The following SMS variants were observed in gnomAD, a reference collection of about 807,000 sequenced individuals.
SMS encodes the protein spermine synthase, also known as spermidine aminopropyltransferase.
In SMS, 3 loss-of-function variants were observed where a neutral mutation model predicts 33.0. The observed-to-expected ratio is 0.09, with a 90% CI of 0.04 to 0.23. The LOEUF (loss-of-function observed/expected upper bound fraction) is 0.23. Ranked by LOEUF, SMS falls within the 10% of genes least tolerant of loss-of-function variation. SMS has a pLI of 1.00. For synonymous variants in SMS, 103 were observed against 112.2 expected (o/e 0.92, Z 0.52); for missense variants, 117 against 288.6 (o/e 0.41, Z 4.31).
At position 21,970,750 on chromosome X, in the gene SMS, T is replaced by G. The variant is rs1305896931; in HGVS notation, c.171-1147T>G. 2.5e-3 allele frequency among the ~76,000 whole-genome samples: 271 copies of G among 106,310 alleles called. 4 individuals are homozygous for G. The highest frequency in any genetic ancestry group is 8.8e-3 in the African/African-American group (256 of 29,123). 92.3% of individuals were successfully genotyped at this position (106,310 alleles called of 115,157 possible). On this transcript the variant is annotated intron_variant, in intron 2 of 10. Coordinates refer to ENST00000404933, the MANE Select transcript of SMS (RefSeq NM_004595.5). Reference sequence around the variant, plus strand: ...TGCTTAGCTTATTATTTTTAGTTTTTTTTTTTTTTTTTTTAATCCAAGCAC... The same window carrying G: ...TGCTTAGCTTATTATTTTTAGTTTTGTTTTTTTTTTTTTTAATCCAAGCAC...
chrX:21,976,980 T>C, intron 4 of SMS, 81 bp from the exon 5 acceptor site: 1 of 986,754 alleles, frequency 1.0e-6, no homozygotes. Flanking sequence ...CATGTGGCTT[T>C]CTTTTGCACA....
intron 9 of SMS, among the ~76,000 whole-genome samples, chrX:21,987,197 A>G (rs773676405): frequency 2.4e-3 from 272 of 111,174 alleles, no homozygotes; most frequent in Admixed American, 4.2e-3. Flanking sequence ...GAGTTTCTCT[A>G]TGTTGGTCAG....
intron 4 of SMS, among the ~76,000 whole-genome samples, chrX:21,975,094 C>T (rs1356605067): frequency 9.0e-6 from 1 of 111,030 alleles, no homozygotes. Context: ...TTAAAAGGTT[C>T]TTGCAATTTA....
intron 1 of SMS, among the ~76,000 whole-genome samples, chrX:21,942,030 G>T (rs1038965589): frequency 5.5e-5 from 6 of 108,364 alleles, no homozygotes; most frequent in Admixed American, 4.9e-4. Context: ...TGTCGTGGGG[G>T]GTGGGAGTCG....
At chrX:21,985,042 T>G (rs965822931) in intron 8 of SMS, 102 bp from the exon 9 acceptor site, 12 of 547,551 alleles carry the variant, frequency 2.2e-5, no homozygotes, top group Non-Finnish European at 3.2e-5. Flanking sequence ...GTGGCTCTTT[T>G]TCTTTTTCCT....
At chrX:21,954,897 C>T (rs189916960) in intron 1 of SMS, among the ~76,000 whole-genome samples, 82 of 110,767 alleles carry the variant, frequency 7.4e-4, no homozygotes, top group Middle Eastern at 4.6e-3. Flanking sequence ...AGTGCAGTGG[C>T]GTGATCTTGG....
chrX:21,944,544 A>AAAAAAAAAAAAAAAAAAAAAAAAAG (rs1555992699), intron 1 of SMS, among the ~76,000 whole-genome samples: 5 of 99,061 alleles, frequency 5.0e-5, no homozygotes, highest in African/African-American at 7.6e-5. Flanking sequence ...AAAAAAAAAA[A>AAAAAAAAAAAAAAAAAAAAAAAAAG]AGAAAAAAAA....
intron 1 of SMS, among the ~76,000 whole-genome samples, chrX:21,944,423 C>T (rs1025302477): frequency 1.9e-5 from 2 of 105,480 alleles, no homozygotes; most frequent in South Asian, 4.2e-4. Context: ...AGGCCCGGCG[C>T]GATGCCGCAT....
Position 21,967,346 on chromosome X carries a change from C to T in SMS, c.170+30C>T, listed in dbSNP as rs3747276. The T allele has an allele frequency of 0.37, 440,049 of 1,199,814 alleles. 62,811 individuals carry two copies. Among genetic ancestry groups the T allele is most frequent in the African/African-American group, 0.88 (49,203 of 56,017 alleles). On this transcript the variant is annotated intron_variant, in intron 2 of 10. Transcript: ENST00000404933. ...GCAGTCTCCAGTGCTGTTCTTCATA[C>T]CTGGTCACTTATGAGCAGAGAGGGT...
At chrX:21,944,414 G>A (rs60683283) in intron 1 of SMS, among the ~76,000 whole-genome samples, 22,828 of 107,064 alleles carry the variant, frequency 0.21, 2,028 homozygotes, top group Admixed American at 0.32. Context: ...GTGAGTGAGA[G>A]GCCCGGCGCG....
chrX:21,969,818 G>A (rs1202707581), intron 2 of SMS, among the ~76,000 whole-genome samples: 2 of 112,713 alleles, frequency 1.8e-5, no homozygotes, highest in Non-Finnish European at 3.8e-5. Flanking sequence ...GGTTTTCGTT[G>A]TTGTTGTTGT....
chrX:21,974,783 C>T lies in SMS; in HGVS notation c.329+2212C>T, dbSNP rs144197540. 4.2e-3 allele frequency among the ~76,000 whole-genome samples: 457 copies of T among 109,070 alleles called. 3 individuals are homozygous for T. The highest frequency in any genetic ancestry group is 0.014 in the African/African-American group (432 of 29,945). 94.7% of individuals were successfully genotyped at this position (109,070 alleles called of 115,157 possible). On this transcript the variant is annotated intron_variant, in intron 4 of 10. Coordinates refer to ENST00000404933, the MANE Select transcript of SMS (RefSeq NM_004595.5). ...TTATCTTTTCATGAAATAAGGTTGACGACAGCTAGAAATTGGGTATACCTT... is the reference window on the plus strand; with the variant it reads ...TTATCTTTTCATGAAATAAGGTTGATGACAGCTAGAAATTGGGTATACCTT...
intron 4 of SMS, among the ~76,000 whole-genome samples, 182 bp from the exon 5 acceptor site, chrX:21,976,879 A>C (rs1924565923): frequency 8.9e-6 from 1 of 112,623 alleles, no homozygotes; most frequent in African/African-American, 3.2e-5. Flanking sequence ...AACTGTGTAC[A>C]ATAGTTGTCA....
intron 7 of SMS, among the ~76,000 whole-genome samples, chrX:21,981,919 G>T (rs758163409): frequency 8.1e-5 from 9 of 111,424 alleles, no homozygotes; most frequent in Non-Finnish European, 5.6e-5. Context: ...GCATGACAGG[G>T]AATTGATCCC....
At chrX:21,948,711 C>T (rs1443705823) in intron 1 of SMS, among the ~76,000 whole-genome samples, 2 of 111,331 alleles carry the variant, frequency 1.8e-5, no homozygotes, top group Non-Finnish European at 3.8e-5. Context: ...GCTAACCTTT[C>T]ACAGATAAGG....
chrX:21,960,684 A>G (rs1189245014), intron 1 of SMS, among the ~76,000 whole-genome samples: 1 of 111,877 alleles, frequency 8.9e-6, no homozygotes, highest in Non-Finnish European at 1.9e-5. Context: ...CTTCTGTTCC[A>G]ACCGCCTCAT....
intron 1 of SMS, among the ~76,000 whole-genome samples, chrX:21,947,345 G>A (rs995959970): frequency 4.5e-5 from 5 of 111,278 alleles, no homozygotes; most frequent in African/African-American, 9.8e-5. Flanking sequence ...TACTCTACAC[G>A]GACTGAATCA....
intron 5 of SMS, 83 bp from the exon 6 acceptor site, chrX:21,977,877 G>C: frequency 1.0e-6 from 1 of 959,280 alleles, no homozygotes; most frequent in Non-Finnish European, 1.5e-6. Context: ...TTTTGGTCTA[G>C]ATCCCAGCTC....
chrX:21,947,239 C>A (rs1324150436), intron 1 of SMS, among the ~76,000 whole-genome samples: 2 of 111,802 alleles, frequency 1.8e-5, no homozygotes, highest in African/African-American at 6.5e-5. Flanking sequence ...ACTTTAATCC[C>A]CCATTGTGAT....
Sources: allele counts gnomAD v4.1 joint callset (sites outside exome capture counted in the v4.1 genomes callset), GRCh38; gene constraint gnomAD v4.1.1; transcripts MANE v1.5; gene names NCBI Gene and HGNC (gene_info 2026-07-23, HGNC 2026-07-21).